The following ADGRL2 variants were observed in gnomAD, a reference collection of about 807,000 sequenced individuals.
ADGRL2 encodes the protein calcium-independent alpha-latrotoxin receptor 2.
Under a neutral mutation model 157.4 loss-of-function variants are expected in ADGRL2, and 44 were observed. That is an observed-to-expected ratio of 0.28 (90% CI 0.22 to 0.36). The LOEUF is 0.36. Ranked by LOEUF, ADGRL2 falls within the 10% of genes least tolerant of loss-of-function variation. The probability of loss-of-function intolerance (pLI) is 1.00; values close to 1 mark genes in which losing one functional copy is unlikely to be tolerated. For synonymous variants in ADGRL2, 585 were observed against 624.7 expected (o/e 0.94, Z 0.95); for missense variants, 1,510 against 1,768.9 (o/e 0.85, Z 2.63).
chr1:81,990,095 T>C (rs1664275526), intron 23 of ADGRL2: 1 of 985,296 alleles, frequency 1.0e-6, no homozygotes, highest in Non-Finnish European at 1.2e-6. Flanking sequence ...CTTCTTTGTG[T>C]CAGAGATTTG....
chr1:81,320,460 C>G (rs751000546), intron 1 of ADGRL2, among the ~76,000 whole-genome samples: 1 of 152,196 alleles, frequency 6.6e-6, no homozygotes, highest in African/African-American at 2.4e-5. Context: ...GAATCTCTAT[C>G]TATGGCAGCC....
At chr1:81,704,640 A>C (rs2083676020) in intron 1 of ADGRL2, among the ~76,000 whole-genome samples, 1 of 152,130 alleles carries the variant, frequency 6.6e-6, no homozygotes, top group Non-Finnish European at 1.5e-5. Context: ...CCTTTCCCAG[A>C]TCCCAAGTCT....
intron 13 of ADGRL2, among the ~76,000 whole-genome samples, chr1:81,966,893 A>C (rs1481291157): frequency 6.6e-6 from 1 of 152,328 alleles, no homozygotes; most frequent in East Asian, 1.9e-4. Context: ...AATGACTCTA[A>C]TTTGTTTTCA....
rs1034566930 is a variant in ADGRL2, at chr1:81,322,123, T to C, written c.-302+15614T>C. ...ATATATATATATACACATATATATA[T>C]ACACACACACACGTACATATATATA... On this transcript the variant is annotated intron_variant, in intron 1 of 24. Coordinates refer to the ADGRL2 transcript ENST00000370721. Among the ~76,000 whole-genome samples, 10 of 137,646 alleles carry C rather than the reference T, an allele frequency of 7.3e-5. 1 individual carries two copies. Among genetic ancestry groups the C allele is most frequent in the Middle Eastern group, 3.3e-3 (1 of 304 alleles). 90.3% of individuals were successfully genotyped at this position (137,646 alleles called of 152,430 possible).
chr1:81,901,573 T>C (rs1272161692), intron 2 of ADGRL2, among the ~76,000 whole-genome samples: 3 of 151,290 alleles, frequency 2.0e-5, no homozygotes, highest in Non-Finnish European at 2.9e-5. Flanking sequence ...TTAAAACATA[T>C]ATATATATAT....
At chr1:81,470,069 GAAACACGTGTTCCTTAAGTCA>G (rs2078139338) in intron 2 of ADGRL2, among the ~76,000 whole-genome samples, 3 of 152,148 alleles carry the variant, frequency 2.0e-5, no homozygotes, top group Admixed American at 6.5e-5. Context: ...TTAGGCCTTA[GAAACACGTGTTCCTTAAGTCA>G]TGTTCTTCTG....
chr1:81,310,036 T>C (rs12404050), intron 1 of ADGRL2, among the ~76,000 whole-genome samples: 32,248 of 152,086 alleles, frequency 0.21, 3,529 homozygotes, highest in Admixed American at 0.27. Context: ...TTCTGGGTAG[T>C]AGTGGCTCTT....
intron 1 of ADGRL2, among the ~76,000 whole-genome samples, chr1:81,400,976 A>G (rs1326270799): frequency 1.3e-5 from 2 of 152,160 alleles, no homozygotes; most frequent in Non-Finnish European, 1.5e-5. Context: ...ACATTTTCTC[A>G]GGGAACAATG....
chr1:81,582,145 A>G (rs1259177841), intron 3 of ADGRL2, among the ~76,000 whole-genome samples: 1 of 152,060 alleles, frequency 6.6e-6, no homozygotes, highest in Non-Finnish European at 1.5e-5. Context: ...ATTTGAACCC[A>G]GGAGGTGGAG....
chr1:81,921,010 A>C (rs983867172), intron 3 of ADGRL2, among the ~76,000 whole-genome samples: 6 of 152,172 alleles, frequency 3.9e-5, no homozygotes. Flanking sequence ...ACTGAATACA[A>C]AAAGAAAGTG....
chr1:81,865,856 A>T (rs1234956718), intron 2 of ADGRL2, among the ~76,000 whole-genome samples: 3 of 152,210 alleles, frequency 2.0e-5, no homozygotes, highest in Non-Finnish European at 2.9e-5. Flanking sequence ...CTTCTAAGTT[A>T]AGAAAGGTAA....
At chr1:81,895,486 C>T (rs1260916545) in intron 2 of ADGRL2, among the ~76,000 whole-genome samples, 1 of 150,356 alleles carries the variant, frequency 6.7e-6, no homozygotes, top group Non-Finnish European at 1.5e-5. Context: ...ACAACCTCCG[C>T]CACCTGGGTT....
intron 1 of ADGRL2, among the ~76,000 whole-genome samples, chr1:81,393,845 C>CT (rs2076604759): frequency 2.5e-5 from 3 of 119,350 alleles, no homozygotes; most frequent in Admixed American, 1.6e-4. Context: ...CTTTTTTTTG[C>CT]TTTTTTCTCC....
At chr1:81,553,275 G>A (rs1441606847) in intron 2 of ADGRL2, among the ~76,000 whole-genome samples, 2 of 152,096 alleles carry the variant, frequency 1.3e-5, no homozygotes, top group Non-Finnish European at 2.9e-5. Context: ...TAAGCTTTTA[G>A]CATTATTTTT....
intron 2 of ADGRL2, among the ~76,000 whole-genome samples, chr1:81,890,638 C>T (rs528776502): frequency 1.1e-4 from 16 of 152,164 alleles, no homozygotes; most frequent in African/African-American, 3.6e-4. Context: ...AGCAAAATAT[C>T]TCTTATTGAA....
chr1:81,885,985 G>A (rs751508283), intron 2 of ADGRL2, among the ~76,000 whole-genome samples: 7 of 152,106 alleles, frequency 4.6e-5, no homozygotes, highest in Non-Finnish European at 7.4e-5. Flanking sequence ...CTTATATTGG[G>A]CGATGGTAAT....
intron 3 of ADGRL2, among the ~76,000 whole-genome samples, chr1:81,621,412 A>G (rs1348171444): frequency 6.6e-6 from 1 of 152,152 alleles, no homozygotes; most frequent in Non-Finnish European, 1.5e-5. Flanking sequence ...CTAAGATTCC[A>G]TCTTAGAAGA....
chr1:81,737,794 G>A (rs1248841659), intron 1 of ADGRL2, among the ~76,000 whole-genome samples: 1 of 152,134 alleles, frequency 6.6e-6, no homozygotes, highest in Non-Finnish European at 1.5e-5. Context: ...GAGTCATCCT[G>A]GCAAGTAGAA....
intron 2 of ADGRL2, among the ~76,000 whole-genome samples, chr1:81,878,443 A>C (rs1184776142): frequency 6.6e-6 from 1 of 152,160 alleles, no homozygotes; most frequent in Non-Finnish European, 1.5e-5. Flanking sequence ...TTGAGTTGTA[A>C]ATAATTAATG....
Sources: allele counts gnomAD v4.1 joint callset (sites outside exome capture counted in the v4.1 genomes callset), GRCh38; gene constraint gnomAD v4.1.1; transcripts MANE v1.5; gene names NCBI Gene and HGNC (gene_info 2026-07-23, HGNC 2026-07-21).